Variants in CNOT6 observed in about 807,000 individuals in gnomAD.
CNOT6 encodes the protein carbon catabolite repression 4 protein.
In CNOT6, 12 loss-of-function variants were observed where a neutral mutation model predicts 61.2. The observed-to-expected ratio is 0.20, with a 90% CI of 0.13 to 0.32. CNOT6 has a LOEUF of 0.32. Among genes scored for constraint, CNOT6 ranks in the 10% least tolerant of loss-of-function variants. The pLI, the probability that CNOT6 is intolerant of heterozygous loss-of-function variation, is 1.00. For synonymous variants in CNOT6, 225 were observed against 240.6 expected, an observed-to-expected ratio of 0.94 and a Z score of 0.60; for missense variants, 405 against 663.9, an observed-to-expected ratio of 0.61 and a Z score of 4.28.
chr5:180,500,455 T>TTG (rs1756822298), intron 1 of CNOT6, among the ~76,000 whole-genome samples: 1 of 147,650 alleles, frequency 6.8e-6, no homozygotes, highest in African/African-American at 2.5e-5. Flanking sequence ...TTTTTTTTTT[T>TTG]GAGATGGAGT....
chr5:180,546,672 G>A (rs887935056), intron 2 of CNOT6, among the ~76,000 whole-genome samples: 3 of 152,080 alleles, frequency 2.0e-5, no homozygotes, highest in Non-Finnish European at 4.4e-5. Context: ...ACATACCCAC[G>A]TATTCACTAT....
At chr5:180,570,188 T>C (rs1196498652) in intron 10 of CNOT6, among the ~76,000 whole-genome samples, 2 of 152,066 alleles carry the variant, frequency 1.3e-5, no homozygotes, top group African/African-American at 4.8e-5. Context: ...TGAAACCCCA[T>C]CTGTACTGAA....
intron 4 of CNOT6, among the ~76,000 whole-genome samples, chr5:180,561,945 G>A (rs1327193321): frequency 1.3e-5 from 2 of 152,230 alleles, no homozygotes; most frequent in Non-Finnish European, 2.9e-5. Flanking sequence ...GCTGGCATGG[G>A]TAGAGATGGG....
intron 1 of CNOT6, among the ~76,000 whole-genome samples, chr5:180,511,467 C>T (rs577195410): frequency 4.6e-5 from 7 of 152,162 alleles, no homozygotes; most frequent in African/African-American, 1.7e-4. Context: ...AAATATTAGC[C>T]GGGTGTGGTG....
At chr5:180,527,577 A>G (rs1044800209) in intron 1 of CNOT6, among the ~76,000 whole-genome samples, 1 of 152,228 alleles carries the variant, frequency 6.6e-6, no homozygotes, top group Non-Finnish European at 1.5e-5. Flanking sequence ...TGTGTAAACT[A>G]GTATCAGATC....
chr5:180,495,359 C>G (rs1756559659), intron 1 of CNOT6: 1 of 152,226 alleles, frequency 6.6e-6, no homozygotes, highest in Non-Finnish European at 1.5e-5. Context: ...GGAGATTGTA[C>G]TGGTTTCTAC....
intron 1 of CNOT6, among the ~76,000 whole-genome samples, chr5:180,519,423 A>G (rs1157677077): frequency 2.0e-5 from 3 of 152,246 alleles, no homozygotes; most frequent in African/African-American, 7.2e-5. Flanking sequence ...GATAATGAGT[A>G]CTTATTTAGC....
At chr5:180,564,618 TTTTA>T in intron 5 of CNOT6, 25 bp downstream of exon 5, 1 of 1,609,700 alleles carries the variant, frequency 6.2e-7, no homozygotes, top group South Asian at 1.1e-5. Context: ...GTTTAAACCT[TTTTA>T]TTAGGAAGAC....
intron 1 of CNOT6, among the ~76,000 whole-genome samples, chr5:180,527,919 A>G (rs1758176669): frequency 6.6e-6 from 1 of 152,170 alleles, no homozygotes; most frequent in African/African-American, 2.4e-5. Context: ...TGCGCATGCG[A>G]GGGACCTAGG....
At chr5:180,549,883 A>G (rs764576041) in intron 2 of CNOT6, 48 bp from the exon 3 acceptor site, 1 of 1,365,048 alleles carries the variant, frequency 7.3e-7, no homozygotes, top group Non-Finnish European at 1.0e-6. Flanking sequence ...ACAGAACAAA[A>G]TGTAGAGAAA....
intron 3 of CNOT6, among the ~76,000 whole-genome samples, chr5:180,552,512 G>A (rs565078822): frequency 1.3e-5 from 2 of 151,868 alleles, no homozygotes; most frequent in East Asian, 1.9e-4. Context: ...TGGGTGTGGT[G>A]GCAGGCACCT....
chr5:180,529,232 TA>T (rs752390491), intron 1 of CNOT6, 42 bp from the exon 2 acceptor site: 26 of 1,107,898 alleles, frequency 2.3e-5, no homozygotes, highest in Admixed American at 4.2e-5. Context: ...GGCTTTTGTT[TA>T]TTTGATTTTT....
chr5:180,533,447 C>T (rs1758507281), intron 2 of CNOT6, among the ~76,000 whole-genome samples: 1 of 151,696 alleles, frequency 6.6e-6, no homozygotes, highest in African/African-American at 2.4e-5. Context: ...TGCTCTGTTG[C>T]CCAGGCTGGA....
At chr5:180,495,449 C>T (rs1319818078) in intron 1 of CNOT6, 1 of 152,202 alleles carries the variant, frequency 6.6e-6, no homozygotes, top group African/African-American at 2.4e-5. Flanking sequence ...TTGGAAACTT[C>T]CTTTGATTCT....
intron 7 of CNOT6, 133 bp from the exon 8 acceptor site, chr5:180,566,955 G>A (rs1004923415): frequency 2.7e-5 from 23 of 866,182 alleles, no homozygotes; most frequent in African/African-American, 5.3e-5. Context: ...TGCCCGGCCC[G>A]GAAAGATGTT....
chr5:180,573,152 G>A (rs1038751545), intron 11 of CNOT6, among the ~76,000 whole-genome samples: 1 of 152,176 alleles, frequency 6.6e-6, no homozygotes, highest in Non-Finnish European at 1.5e-5. Context: ...TGTTGCTGAT[G>A]CAGTGGCAGG....
intron 2 of CNOT6, among the ~76,000 whole-genome samples, chr5:180,532,026 G>A (rs1386941935): frequency 6.6e-6 from 1 of 152,164 alleles, no homozygotes; most frequent in Admixed American, 6.5e-5. Context: ...CTAGAATGCT[G>A]GACTTTATTA....
intron 4 of CNOT6, among the ~76,000 whole-genome samples, chr5:180,563,244 C>G (rs968161346): frequency 2.8e-5 from 4 of 144,774 alleles, no homozygotes; most frequent in African/African-American, 1.0e-4. Flanking sequence ...GAGACAGAGT[C>G]TCGCTCTGTT....
Position 180,574,820 on chromosome 5 carries a change from A to C in CNOT6, c.*620A>C, listed in dbSNP as rs1254739324. 6.5e-6 allele frequency: 1 copy of C among 152,996 alleles called. No individual in the cohort carries two copies. Among genetic ancestry groups the C allele is most frequent in the African/African-American group, 2.4e-5 (1 of 41,410 alleles). The allele number at this position is 152,996 out of a possible 1,614,324, so 9.5% of individuals were successfully genotyped here. A position where few individuals can be genotyped will look rare whatever the true frequency, so the allele number is the denominator to read the frequency against. On this transcript the variant is annotated 3_prime_UTR_variant, in exon 12 of 12. Transcript: ENST00000261951. ...CAGACTTTCTCTGCTCATGATTTGCACTCTTAGGGTTTTGTTAGCCCTTTT... is the reference window on the plus strand; with the variant it reads ...CAGACTTTCTCTGCTCATGATTTGCCCTCTTAGGGTTTTGTTAGCCCTTTT...
Sources: allele counts gnomAD v4.1 joint callset (sites outside exome capture counted in the v4.1 genomes callset), GRCh38; gene constraint gnomAD v4.1.1; transcripts MANE v1.5; gene names NCBI Gene and HGNC (gene_info 2026-07-23, HGNC 2026-07-21).